Variants in SPOCK1 observed in about 807,000 individuals in gnomAD.
SPOCK1 encodes SPARC (osteonectin), cwcv and kazal like domains proteoglycan 1.
Under a neutral mutation model 55.3 loss-of-function variants are expected in SPOCK1, and 23 were observed. That is an observed-to-expected ratio of 0.42 (90% CI 0.30 to 0.59). The LOEUF is 0.59. Among genes scored for constraint, SPOCK1 ranks in the 20% least tolerant of loss-of-function variants. The probability of loss-of-function intolerance (pLI) is 0.22; values close to 1 mark genes in which losing one functional copy is unlikely to be tolerated. For missense variants in SPOCK1, 499 were observed against 552.5 expected (o/e 0.90, Z 0.97); for synonymous variants, 226 against 221.0 (o/e 1.02, Z -0.20).
chr5:137,010,076 C>T (rs906228908), intron 6 of SPOCK1, among the ~76,000 whole-genome samples: 3 of 152,072 alleles, frequency 2.0e-5, no homozygotes, highest in Non-Finnish European at 4.4e-5. Flanking sequence ...GGGGTGTCCC[C>T]AGGGCCCTAT....
At chr5:137,271,837 G>C (rs1299491253) in intron 2 of SPOCK1, among the ~76,000 whole-genome samples, 2 of 152,092 alleles carry the variant, frequency 1.3e-5, no homozygotes, top group Non-Finnish European at 2.9e-5. Flanking sequence ...AACACATTTA[G>C]TTCTCATGAA....
chr5:137,027,884 G>A (rs1751707217), intron 6 of SPOCK1, among the ~76,000 whole-genome samples: 1 of 152,194 alleles, frequency 6.6e-6, no homozygotes. Flanking sequence ...GCTGGGCAAG[G>A]AACTGATGAG....
At chr5:137,486,477 G>A (rs2149843871) in intron 2 of SPOCK1, among the ~76,000 whole-genome samples, 1 of 152,310 alleles carries the variant, frequency 6.6e-6, no homozygotes, top group Non-Finnish European at 1.5e-5. Flanking sequence ...TAGAAAGCCT[G>A]CAGCCTGACC....
chr5:137,280,318 G>A (rs1757142836), intron 2 of SPOCK1, among the ~76,000 whole-genome samples: 2 of 152,096 alleles, frequency 1.3e-5, no homozygotes, highest in African/African-American at 2.4e-5. Flanking sequence ...TTATTATTTG[G>A]GGAAACAATA....
chr5:137,132,472 C>G (rs1753904400), intron 4 of SPOCK1, among the ~76,000 whole-genome samples: 1 of 152,132 alleles, frequency 6.6e-6, no homozygotes, highest in Non-Finnish European at 1.5e-5. Flanking sequence ...CCTTAATAAG[C>G]AAGGATACCA....
At chr5:137,125,211 C>T (rs1440126591) in intron 4 of SPOCK1, among the ~76,000 whole-genome samples, 1 of 152,174 alleles carries the variant, frequency 6.6e-6, no homozygotes, top group Non-Finnish European at 1.5e-5. Flanking sequence ...ATCCATTAAA[C>T]GTGCCATGAA....
Position 137,112,546 on chromosome 5 carries a change from G to A in SPOCK1, c.363C>T (p.Asn121=), listed in dbSNP as rs575277549. The A allele has an allele frequency of 1.5e-5, 24 of 1,613,366 alleles. No individual in the cohort carries two copies. Among genetic ancestry groups the A allele is most frequent in the South Asian group, 4.4e-5 (4 of 90,994 alleles). Residue 121 remains asparagine (N), a synonymous_variant, in exon 5 of 11, where the codon AAC becomes AAT. Transcript: ENST00000394945. ...KHLLPRQKKG[N]VAQKHWVGPS... is the part of the protein sequence containing the mutation. ...GTCCAACCCAGTGTTTCTGGGCCAC[G>A]TTCCCCTTCTTTTGCCTAAAGATGA...
intron 3 of SPOCK1, among the ~76,000 whole-genome samples, chr5:137,222,563 T>G (rs1182944682): frequency 6.6e-6 from 1 of 152,158 alleles, no homozygotes; most frequent in African/African-American, 2.4e-5. Flanking sequence ...CCCCTTCACA[T>G]ATCTGTCAAG....
Position 136,994,200 on chromosome 5 carries a change from TGTTTATACCCCA to T in SPOCK1, c.590-1612_590-1601del, listed in dbSNP as rs531012293. Among the ~76,000 whole-genome samples, 240 of 152,334 alleles carry T rather than the reference TGTTTATACCCCA, an allele frequency of 1.6e-3. 2 individuals are homozygous for T. The highest frequency in any genetic ancestry group is 2.5e-3 in the Non-Finnish European group (170 of 68,026). Reference sequence around the variant, plus strand: ...AAGCATGGAATGAATGCATGTCCAGTGTTTATACCCCAGTTTTTAATGACCTTAAAACACTGC... The same window carrying T: ...AAGCATGGAATGAATGCATGTCCAGTGTTTTTAATGACCTTAAAACACTGC... On this transcript the variant is annotated intron_variant, in intron 6 of 10. Coordinates refer to ENST00000394945, the MANE Select transcript of SPOCK1 (RefSeq NM_004598.4).
At chr5:137,211,250 A>G (rs1322284117) in intron 3 of SPOCK1, among the ~76,000 whole-genome samples, 1 of 152,204 alleles carries the variant, frequency 6.6e-6, no homozygotes, top group Non-Finnish European at 1.5e-5. Context: ...TTCAGAGTCA[A>G]ATAGATCTCA....
At chr5:137,477,187 T>C (rs1753852992) in intron 2 of SPOCK1, among the ~76,000 whole-genome samples, 1 of 152,182 alleles carries the variant, frequency 6.6e-6, no homozygotes, top group South Asian at 2.1e-4. Flanking sequence ...GATGTTTATG[T>C]AGCATTTTAA....
intron 2 of SPOCK1, among the ~76,000 whole-genome samples, chr5:137,410,264 C>G (rs78124718): frequency 0.016 from 2,376 of 152,284 alleles, 70 homozygotes; most frequent in African/African-American, 0.055. Context: ...TTTCCCTTAT[C>G]TAGACACTCC....
At position 137,370,561 on chromosome 5, in the gene SPOCK1, G is replaced by A. The variant is rs545039431; in HGVS notation, c.187-103506C>T. Among the ~76,000 whole-genome samples, 5 of 152,272 alleles carry A rather than the reference G, an allele frequency of 3.3e-5. No individual in the cohort carries two copies. The South Asian group carries it at 6.2e-4, about 19-fold the overall frequency. On this transcript the variant is annotated intron_variant, in intron 2 of 10. Coordinates refer to ENST00000394945, the MANE Select transcript of SPOCK1 (RefSeq NM_004598.4). ...GCAGCTGCTCCAATGAGTGACACTC[G>A]CTCATTAAAGAATGCATCATTCAAT...
intron 6 of SPOCK1, among the ~76,000 whole-genome samples, chr5:137,027,083 A>T (rs1191679886): frequency 6.6e-6 from 1 of 152,198 alleles, no homozygotes; most frequent in Non-Finnish European, 1.5e-5. Context: ...TGATGACTAA[A>T]TCAGGAACTT....
At chr5:137,002,354 A>G (rs1356253732) in intron 6 of SPOCK1, among the ~76,000 whole-genome samples, 1 of 152,150 alleles carries the variant, frequency 6.6e-6, no homozygotes, top group East Asian at 1.9e-4. Context: ...ACATCTGTAA[A>G]TGTGCATTAG....
intron 2 of SPOCK1, among the ~76,000 whole-genome samples, chr5:137,290,549 G>A (rs1290507115): frequency 6.6e-6 from 1 of 152,216 alleles, no homozygotes; most frequent in Non-Finnish European, 1.5e-5. Context: ...GGTTACATGG[G>A]TGTGCTCACT....
At chr5:137,477,338 G>A (rs1482851522) in intron 2 of SPOCK1, among the ~76,000 whole-genome samples, 1 of 152,128 alleles carries the variant, frequency 6.6e-6, no homozygotes, top group Non-Finnish European at 1.5e-5. Context: ...CAAAAAGTGA[G>A]GCTTTATTTT....
At chr5:137,267,323 G>C (rs1296960712) in intron 2 of SPOCK1, among the ~76,000 whole-genome samples, 1 of 152,186 alleles carries the variant, frequency 6.6e-6, no homozygotes, top group Non-Finnish European at 1.5e-5. Flanking sequence ...TTCTTAGTTT[G>C]ACATATAAAC....
chr5:137,397,020 G>C (rs987694173), intron 2 of SPOCK1, among the ~76,000 whole-genome samples: 1 of 152,224 alleles, frequency 6.6e-6, no homozygotes, highest in African/African-American at 2.4e-5. Context: ...ACAGGGCCCA[G>C]AGATGTTGAG....
Sources: allele counts gnomAD v4.1 joint callset (sites outside exome capture counted in the v4.1 genomes callset), GRCh38; gene constraint gnomAD v4.1.1; transcripts MANE v1.5; gene names NCBI Gene and HGNC (gene_info 2026-07-23, HGNC 2026-07-21).